Variants in PRKDC observed in about 807,000 individuals in gnomAD.
PRKDC encodes the protein DNA-dependent protein kinase catalytic subunit.
PRKDC carries 82 observed loss-of-function variants against 486.9 expected under a neutral mutation model. The observed-to-expected ratio is 0.17, with a 90% CI of 0.14 to 0.20. The LOEUF (loss-of-function observed/expected upper bound fraction) is 0.20. Among genes scored for constraint, PRKDC ranks in the 10% least tolerant of loss-of-function variants. The pLI is 1.00. For synonymous variants in PRKDC, 1,895 were observed against 1,837.0 expected (o/e 1.03, Z -0.81); for missense variants, 4,504 against 5,038.2 (o/e 0.89, Z 3.21).
Position 47,911,643 on chromosome 8 carries a change from T to A in PRKDC, c.2934+767A>T, listed in dbSNP as rs142839641. Among the ~76,000 whole-genome samples the A allele has an allele frequency of 3.5e-4, 53 of 152,346 alleles. No homozygotes were observed. In the East Asian group the frequency reaches 9.2e-3, roughly 27 times the overall value. ...TTAAGTGTGTACCCTGATATCCAGG[T>A]CATGCTAGATTCATAAAATGAACTG... On this transcript the variant is annotated intron_variant, in intron 25 of 85. Transcript: ENST00000314191.
rs77033659 is a variant in PRKDC, at chr8:47,828,330, T to G, written c.8415A>C (p.Ala2805=). 136 of 1,573,984 alleles carry G rather than the reference T, an allele frequency of 8.6e-5. 1 individual carries two copies. In the East Asian group the frequency reaches 3.0e-3, roughly 35 times the overall value. The part of the protein sequence containing the change: ...QAVAQRDPII[A]KQLFSSLFSG... ...AAAACAAGCTGCTAAAGAGCTGTTT[T>G]GCAATTATTGGGTCCCTCTGTAAAA... is the stretch of plus-strand genomic sequence containing the variant. The change falls in exon 62 of 86, where the codon GCA becomes GCC. Residue 2805 remains alanine, a synonymous_variant. Coordinates refer to ENST00000314191, the MANE Select transcript of PRKDC (RefSeq NM_006904.7).
At chr8:47,918,960 CCT>C in intron 21 of PRKDC, among the ~76,000 whole-genome samples, 1 of 151,946 alleles carries the variant, frequency 6.6e-6, no homozygotes, top group Middle Eastern at 3.4e-3. Context: ...CGAATAAATT[CCT>C]TTTTTTTTTT....
At chr8:47,854,511 T>G (rs570644704) in intron 50 of PRKDC, among the ~76,000 whole-genome samples, 4 of 152,146 alleles carry the variant, frequency 2.6e-5, no homozygotes, top group African/African-American at 9.7e-5. Flanking sequence ...GCTAATTTTT[T>G]GTATTTTTTT....
At chr8:47,833,770 G>A (rs1015879342) in intron 59 of PRKDC, among the ~76,000 whole-genome samples, 1 of 151,894 alleles carries the variant, frequency 6.6e-6, no homozygotes, top group Non-Finnish European at 1.5e-5. Context: ...CTCCATCCCT[G>A]TCCTTTTCAT....
rs1177246333 is a variant in PRKDC, at chr8:47,782,364, A to G, written c.11396+14T>C. 4 of 1,607,450 alleles carry G rather than the reference A, an allele frequency of 2.5e-6. No homozygotes were observed. The highest frequency in any genetic ancestry group is 2.2e-5 in the South Asian group (2 of 90,328). ...ATGCAGCAGCCTACTGGCTGGGAGCAGCCTGGCAGTTACCTGGAGGTCATG... is the reference window on the plus strand; with the variant it reads ...ATGCAGCAGCCTACTGGCTGGGAGCGGCCTGGCAGTTACCTGGAGGTCATG... On this transcript the variant is annotated intron_variant, in intron 79 of 85. Coordinates refer to ENST00000314191, the MANE Select transcript of PRKDC (RefSeq NM_006904.7). This position sits in a 1 kb window ranked among gnomAD's most constrained non-coding sequence, Gnocchi z 4.9.
Position 47,887,643 on chromosome 8 carries a change from G to T in PRKDC, c.4476C>A (p.Ala1492=). ...ELLSLVYKGI[A]PGDERQCLPS... ...GCAGACACTGTCTCTCATCTCCAGG[G>T]GCAATGCCTTTATAAACCAGGGAAA... The change falls in exon 35 of 86, where the codon GCC becomes GCA. Residue 1492 remains alanine (A), a synonymous_variant. Coordinates refer to ENST00000314191, the MANE Select transcript of PRKDC (RefSeq NM_006904.7). The T allele has an allele frequency of 6.2e-7, 1 of 1,608,718 alleles. No individual in the cohort carries two copies. The highest frequency in any genetic ancestry group is 8.5e-7 in the Non-Finnish European group (1 of 1,177,604).
rs1485300808 is a variant in PRKDC at position 47,960,018 on chromosome 8, C to T, written c.109G>A (p.Gly37Ser). 3 of 1,534,438 alleles carry T rather than the reference C, an allele frequency of 2.0e-6. No individual in the cohort carries two copies. The change falls in exon 1 of 86, where the codon GGC becomes AGC. Residue 37 changes from glycine (G) to serine (S), a missense_variant. Around this residue, in one of 6 missense-constraint regions of PRKDC, gnomAD observed 145 missense variants for 136.3 expected, o/e 1.06. Transcript: ENST00000314191. ...AALAGHQLIR[G>S]LGQECVLSSS... Reference sequence around the variant, plus strand: ...CTCAGGACGCATTCCTGCCCCAGGCCGCGGATCAGTTGATGACCGGCCAGG... The same window carrying T: ...CTCAGGACGCATTCCTGCCCCAGGCTGCGGATCAGTTGATGACCGGCCAGG...
chr8:47,778,081 G>A (rs140615721), intron 83 of PRKDC, among the ~76,000 whole-genome samples: 2 of 152,202 alleles, frequency 1.3e-5, no homozygotes, highest in African/African-American at 2.4e-5. Context: ...CAAAACCCAC[G>A]TGCACAGGAC....
At position 47,934,019 on chromosome 8, in the gene PRKDC, T is replaced by C. The variant is rs569741348; in HGVS notation, c.1569A>G (p.Thr523=). The change falls in exon 15 of 86, where the codon ACA becomes ACG. Residue 523 remains threonine, a synonymous_variant. Transcript: ENST00000314191. ...EVRTGKWKVP[T]YKDYVDLFRH... Reference sequence around the variant, plus strand: ...TGAAGAGATCCACGTAGTCTTTGTATGTGGGCACCTTCCATTTGCCAGTTC... The same window carrying C: ...TGAAGAGATCCACGTAGTCTTTGTACGTGGGCACCTTCCATTTGCCAGTTC... The C allele has an allele frequency of 6.8e-6, 11 of 1,613,776 alleles. No homozygotes were observed. The highest frequency in any genetic ancestry group is 2.7e-5 in the African/African-American group (2 of 75,056).
At chr8:47,955,991 T>C (rs1284932504) in intron 3 of PRKDC, 43 bp from the exon 4 acceptor site, 1 of 1,400,588 alleles carries the variant, frequency 7.1e-7, no homozygotes, top group Non-Finnish European at 9.9e-7. Context: ...CAATAAGATA[T>C]AAAAACTAAG....
At chr8:47,953,581 G>T in intron 7 of PRKDC, 39 bp downstream of exon 7, 1 of 1,545,458 alleles carries the variant, frequency 6.5e-7, no homozygotes, top group Non-Finnish European at 8.9e-7. Flanking sequence ...TAGACTTACA[G>T]TTTTTGAATA....
intron 81 of PRKDC, 22 bp from the exon 82 acceptor site, chr8:47,778,821 A>C: frequency 4.4e-6 from 7 of 1,593,630 alleles, no homozygotes; most frequent in Non-Finnish European, 6.0e-6. Flanking sequence ...TAATAGAAAC[A>C]TCTAATTAGA....
chr8:47,838,475 T>C (rs568575750), intron 56 of PRKDC, among the ~76,000 whole-genome samples: 4 of 151,764 alleles, frequency 2.6e-5, no homozygotes, highest in Non-Finnish European at 5.9e-5. Context: ...GCCAAGCCTG[T>C]TGGCGTTATG....
Position 47,913,986 on chromosome 8 carries a change from C to T in PRKDC, c.2696G>A (p.Arg899Lys). The change falls in exon 24 of 86, where the codon AGA becomes AAA. Residue 899 changes from arginine to lysine, a missense_variant. Arg to Lys is a conservative substitution (Grantham distance 26). Transcript: ENST00000314191. ...EKRLSFAVPF[R>K]EMKPVIFLDV... ...CAGGAAAATGACAGGTTTCATCTCT[C>T]TAAAGGGCACTGCAAAGCTCAGCCG... 2 of 1,609,522 alleles carry T rather than the reference C, an allele frequency of 1.2e-6. No individual in the cohort carries two copies. Among genetic ancestry groups the T allele is most frequent in the East Asian group, 2.2e-5 (1 of 44,624 alleles).
chr8:47,905,534 G>A (rs1486795745), intron 25 of PRKDC, among the ~76,000 whole-genome samples: 2 of 152,038 alleles, frequency 1.3e-5, no homozygotes, highest in Non-Finnish European at 2.9e-5. Context: ...TTCAACTATT[G>A]TACAAAGCAA....
Position 47,785,240 on chromosome 8 carries a change from G to T in PRKDC, c.10980C>A (p.Asn3660Lys). The T allele has an allele frequency of 6.2e-7, 1 of 1,613,640 alleles. No individual in the cohort carries two copies. Among genetic ancestry groups the T allele is most frequent in the Non-Finnish European group, 8.5e-7 (1 of 1,179,720 alleles). ...TTAAAAGTAGCATGTTGGTAATGTC[G>T]TTGAAGTCACTGAGCTTCATTCTCA... is the stretch of plus-strand genomic sequence containing the variant. ...KLLRMKLSDF[N>K]DITNMLLLKM... Residue 3660 changes from asparagine to lysine, a missense_variant, in exon 77 of 86, where the codon AAC becomes AAA. Asn to Lys is a moderately conservative substitution (Grantham distance 94). Coordinates refer to ENST00000314191, the MANE Select transcript of PRKDC (RefSeq NM_006904.7).
intron 78 of PRKDC, among the ~76,000 whole-genome samples, chr8:47,783,221 C>T (rs746580706): frequency 1.4e-5 from 2 of 144,970 alleles, no homozygotes; most frequent in Non-Finnish European, 3.0e-5. Flanking sequence ...GAGGTTGCAA[C>T]GAGCTGAGAA....
chr8:47,869,278 G>C (rs886711615), intron 40 of PRKDC, among the ~76,000 whole-genome samples: 1 of 151,352 alleles, frequency 6.6e-6, no homozygotes, highest in Admixed American at 6.6e-5. Context: ...TTCTGCTTGA[G>C]GACAGGAAGG....
rs1400235156 is a variant in PRKDC at position 47,807,013 on chromosome 8, G to A, written c.9747+124C>T. On this transcript the variant is annotated intron_variant, in intron 69 of 85. Coordinates refer to ENST00000314191, the MANE Select transcript of PRKDC (RefSeq NM_006904.7). The stretch of plus-strand genomic sequence containing the variant: ...ACCCGGCCAAGTTTACTTATAAAGA[G>A]AGAAAAAAAATAACACCTACCAATT... 5 of 1,018,820 alleles carry A rather than the reference G, an allele frequency of 4.9e-6. No individual in the cohort carries two copies. In the South Asian group the frequency reaches 8.5e-5, roughly 17 times the overall value. The allele number at this position is 1,018,820 out of a possible 1,614,324, so 63.1% of individuals were successfully genotyped here. A position where few individuals can be genotyped will look rare whatever the true frequency, so the allele number is the denominator to read the frequency against.
Sources: allele counts gnomAD v4.1 joint callset (sites outside exome capture counted in the v4.1 genomes callset), GRCh38; gene constraint gnomAD v4.1.1; regional missense constraint gnomAD v4.1.1; non-coding constraint Gnocchi (gnomAD v3.1); transcripts MANE v1.5; gene names NCBI Gene and HGNC (gene_info 2026-07-23, HGNC 2026-07-21).